The following KCNC2 variants were observed in gnomAD, a reference collection of about 807,000 sequenced individuals.
The protein encoded by KCNC2 is potassium voltage-gated channel subfamily C member 2, also known as voltage-gated potassium channel KCNC2.
KCNC2 carries 21 observed loss-of-function variants against 44.5 expected under a neutral mutation model. That is an observed-to-expected ratio of 0.47 (90% confidence interval 0.33 to 0.68). The LOEUF (loss-of-function observed/expected upper bound fraction) is 0.68, where lower values mean the gene tolerates loss of function less well. Ranked by LOEUF, KCNC2 falls within the 30% of genes least tolerant of loss-of-function variation. The pLI is 0.01. For missense variants in KCNC2, 589 were observed against 826.2 expected (o/e 0.71, Z 3.52); for synonymous variants, 391 against 339.1 (o/e 1.15, Z -1.68).
In KCNC2 at chr12:75,138,336, A is replaced by G. The variant is rs12231944; in HGVS notation, c.687+68961T>C. Among the ~76,000 whole-genome samples the G allele has an allele frequency of 0.016, 2,378 of 152,302 alleles. 242 individuals carry two copies. The East Asian group carries it at 0.28, about 18-fold the overall frequency. ...CCTTAAAATATCTTTTTATACATAT[A>G]TGTTAATTAATAATACCAGTTGGAA... On this transcript the variant is annotated intron_variant, in intron 2 of 4. Coordinates refer to ENST00000549446, the MANE Select transcript of KCNC2 (RefSeq NM_139137.4).
intron 2 of KCNC2, among the ~76,000 whole-genome samples, chr12:75,129,824 A>G (rs1006737789): frequency 1.3e-5 from 2 of 152,214 alleles, no homozygotes; most frequent in Non-Finnish European, 2.9e-5. Context: ...CTGTAGTTTA[A>G]TCCATTTTAG....
rs1887046158 is a variant in KCNC2, at chr12:75,109,412, C to A, written c.688-58095G>T. Among the ~76,000 whole-genome samples the A allele has an allele frequency of 2.0e-5, 3 of 152,204 alleles. No individual in the cohort carries two copies. The South Asian group carries it at 6.2e-4, about 32-fold the overall frequency. On this transcript the variant is annotated intron_variant, in intron 2 of 4. Coordinates refer to ENST00000549446, the MANE Select transcript of KCNC2 (RefSeq NM_139137.4). Reference sequence around the variant, plus strand: ...GTGATTATTTAGACCGTGTGGCACCCAAAGATAACTTTTGCCTCAAAGATC... The same window carrying A: ...GTGATTATTTAGACCGTGTGGCACCAAAAGATAACTTTTGCCTCAAAGATC...
chr12:75,055,686 CGTTA>C lies in KCNC2; in HGVS notation c.688-4373_688-4370del, dbSNP rs201363651. ...TCTAATCAGTAGGCACATTTTTCTC[CGTTA>C]GTCATGTCCATGTATTTAATTACAG... On this transcript the variant is annotated intron_variant, in intron 2 of 4. Coordinates refer to ENST00000549446, the MANE Select transcript of KCNC2 (RefSeq NM_139137.4). Among the ~76,000 whole-genome samples, 30 of 152,020 alleles carry C rather than the reference CGTTA, an allele frequency of 2.0e-4. No homozygotes were observed. The East Asian group carries it at 4.9e-3, about 25-fold the overall frequency.
intron 2 of KCNC2, among the ~76,000 whole-genome samples, chr12:75,178,457 G>T (rs1892342059): frequency 6.6e-6 from 1 of 151,956 alleles, no homozygotes; most frequent in Non-Finnish European, 1.5e-5. Context: ...GATGCTGAAG[G>T]CAGTGTGTAA....
Position 75,048,296 on chromosome 12 carries a change from G to A in KCNC2, c.1637C>T (p.Thr546Ile). The change falls in exon 4 of 5, where the codon ACA becomes ATA. Residue 546 changes from threonine to isoleucine, a missense_variant. Transcript: ENST00000549446. ...GGGTGATAGTGGCGGCTCACTTCCTGTACTGTCGTCACCTGATAACACTGG... is the reference window on the plus strand; with the variant it reads ...GGGTGATAGTGGCGGCTCACTTCCTATACTGTCGTCACCTGATAACACTGG... ...NRSVLSGDDS[T>I]GSEPPLSPPE... 6.2e-7 allele frequency: 1 copy of A among 1,612,060 alleles called. No individual in the cohort carries two copies. Among genetic ancestry groups the A allele is most frequent in the Non-Finnish European group, 8.5e-7 (1 of 1,178,996 alleles).
At chr12:75,203,786 T>C (rs541699175) in intron 2 of KCNC2, among the ~76,000 whole-genome samples, 5 of 151,992 alleles carry the variant, frequency 3.3e-5, no homozygotes, top group African/African-American at 1.2e-4. Context: ...TTATAACTGC[T>C]CTCAGCTGTT....
chr12:75,152,863 CA>C (rs1266401339), intron 2 of KCNC2, among the ~76,000 whole-genome samples: 1 of 151,874 alleles, frequency 6.6e-6, no homozygotes, highest in African/African-American at 2.4e-5. Context: ...ATGATGTGTG[CA>C]AAGGTAATCA....
chr12:75,105,315 A>T (rs555079275), intron 2 of KCNC2, among the ~76,000 whole-genome samples: 1 of 152,324 alleles, frequency 6.6e-6, no homozygotes, highest in South Asian at 2.1e-4. Context: ...TGAATTACAT[A>T]GTAAGAAGTC....
chr12:75,206,054 A>T (rs1471993616), intron 2 of KCNC2, among the ~76,000 whole-genome samples: 1 of 152,244 alleles, frequency 6.6e-6, no homozygotes, highest in Non-Finnish European at 1.5e-5. Context: ...CACACTGAAA[A>T]CAAAACACGT....
intron 2 of KCNC2, among the ~76,000 whole-genome samples, chr12:75,100,958 G>A (rs574389541): frequency 1.0e-3 from 156 of 152,140 alleles, no homozygotes; most frequent in African/African-American, 3.2e-3. Flanking sequence ...TTCTTTCAGT[G>A]AAAGAAATTA....
At chr12:75,191,671 C>T (rs1038146766) in intron 2 of KCNC2, among the ~76,000 whole-genome samples, 1 of 150,094 alleles carries the variant, frequency 6.7e-6, no homozygotes, top group Non-Finnish European at 1.5e-5. Flanking sequence ...CTGCCTCAGC[C>T]TCCCGAGTAG....
intron 2 of KCNC2, among the ~76,000 whole-genome samples, chr12:75,148,103 T>C (rs1407433140): frequency 6.6e-6 from 1 of 152,122 alleles, no homozygotes; most frequent in East Asian, 1.9e-4. Context: ...CCATCCACTT[T>C]TCCCTACAAT....
At chr12:75,092,202 A>G (rs747815528) in intron 2 of KCNC2, among the ~76,000 whole-genome samples, 6 of 151,660 alleles carry the variant, frequency 4.0e-5, no homozygotes, top group Non-Finnish European at 7.4e-5. Flanking sequence ...GCACTTAAGA[A>G]CAAAGTAAAA....
rs184754275 is a variant in KCNC2, at chr12:75,086,119, A to G, written c.688-34802T>C. Among the ~76,000 whole-genome samples, 239 of 152,222 alleles carry G rather than the reference A, an allele frequency of 1.6e-3. 1 individual carries two copies. The highest frequency in any genetic ancestry group is 1.4e-3 in the Non-Finnish European group (98 of 67,992). On this transcript the variant is annotated intron_variant, in intron 2 of 4. Transcript: ENST00000549446. The stretch of plus-strand genomic sequence containing the variant: ...ATATTCTAGGAAATATTTAAAATGT[A>G]GGAAACACTAATGATGACTCTAAAG...
intron 2 of KCNC2, among the ~76,000 whole-genome samples, chr12:75,082,032 C>T (rs556948868): frequency 7.2e-5 from 11 of 152,024 alleles, no homozygotes; most frequent in African/African-American, 1.2e-4. Flanking sequence ...GAACAAGTTG[C>T]CTTTCTGCTA....
chr12:75,156,967 C>A (rs772604278), intron 2 of KCNC2, among the ~76,000 whole-genome samples: 11 of 151,700 alleles, frequency 7.3e-5, no homozygotes, highest in African/African-American at 1.5e-4. Context: ...CGCTATAAAC[C>A]AACTTACTTC....
intron 2 of KCNC2, among the ~76,000 whole-genome samples, chr12:75,096,389 T>A (rs1198397743): frequency 6.6e-6 from 1 of 152,102 alleles, no homozygotes; most frequent in African/African-American, 2.4e-5. Context: ...TTCTCCTTCT[T>A]CTGCTATAGC....
rs201082790 is a variant in KCNC2 at position 75,042,328 on chromosome 12, G to A, written c.*777C>T. The A allele has an allele frequency of 5.0e-6, 8 of 1,611,656 alleles. No individual in the cohort carries two copies. The highest frequency in any genetic ancestry group is 5.9e-6 in the Non-Finnish European group (7 of 1,178,730). On this transcript the variant is annotated 3_prime_UTR_variant, in exon 5 of 5. Transcript: ENST00000549446. ...CCCCAAGTCATTAAGTAAGAGATCT[G>A]GCCTCGGCTTGCGTGTAACCAGTAA...
intron 2 of KCNC2, among the ~76,000 whole-genome samples, chr12:75,196,311 T>C (rs1049655311): frequency 2.6e-5 from 4 of 152,136 alleles, no homozygotes; most frequent in Non-Finnish European, 5.9e-5. Context: ...TAATTACTTC[T>C]ACAACTGCCC....
Sources: allele counts gnomAD v4.1 joint callset (sites outside exome capture counted in the v4.1 genomes callset), GRCh38; gene constraint gnomAD v4.1.1; transcripts MANE v1.5; gene names NCBI Gene and HGNC (gene_info 2026-07-23, HGNC 2026-07-21).